NUDT7: variants seen among roughly 807,000 people sequenced by gnomAD.
The protein encoded by NUDT7 is peroxisomal coenzyme A diphosphatase NUDT7.
In NUDT7, 19 loss-of-function variants were observed where a neutral mutation model predicts 13.1. That is an observed-to-expected ratio of 1.45 (90% confidence interval 1.01 to 2.13). The LOEUF (loss-of-function observed/expected upper bound fraction) is 2.13. Ranked by LOEUF, NUDT7 falls within the 30% of genes most tolerant of loss-of-function variation. The pLI is 0.00. For missense variants in NUDT7, 360 were observed against 291.7 expected (o/e 1.23, Z -1.71); for synonymous variants, 132 against 109.7 (o/e 1.20, Z -1.27).
At chr16:77,728,942 TACCCTCCTCC>T (rs2014228557) in intron 2 of NUDT7, among the ~76,000 whole-genome samples, 1 of 152,082 alleles carries the variant, frequency 6.6e-6, no homozygotes, top group Admixed American at 6.6e-5. Flanking sequence ...TCCCCTCTTC[TACCCTCCTCC>T]ACCCTCCTCC....
chr16:77,725,574 G>T lies in NUDT7; in HGVS notation c.179G>T (p.Arg60Leu), dbSNP rs760402917. 3.7e-6 allele frequency: 6 copies of T among 1,613,588 alleles called. No individual in the cohort carries two copies. In the South Asian group the frequency reaches 5.5e-5, roughly 15 times the overall value. The change falls in exon 2 of 4, where the codon CGG (arginine) becomes CTG (leucine). Residue 60 changes from arginine (R) to leucine (L), a missense_variant. Arg to Leu is a moderately radical substitution (Grantham distance 102). Transcript: ENST00000268533. ...EGKLHLLFTV[R>L]SEKLRRAPGE... ...AAACTCCATTTGTTGTTCACCGTCC[G>T]GTCAGAGAAGGTAGGTGGACAAAAA...
chr16:77,724,332 G>T (rs1403402121), intron 1 of NUDT7, among the ~76,000 whole-genome samples: 3 of 152,224 alleles, frequency 2.0e-5, no homozygotes, highest in African/African-American at 7.2e-5. Flanking sequence ...TGCAATCATG[G>T]CTCACTGCAG....
At chr16:77,735,544 C>T (rs1422821663) in intron 2 of NUDT7, 2 of 544,292 alleles carry the variant, frequency 3.7e-6, no homozygotes, top group Non-Finnish European at 3.3e-6. Flanking sequence ...ATAAACTACC[C>T]AGTCTCAGTT....
rs186332841 is a variant in NUDT7, at chr16:77,736,023, C to T, written c.348+37C>T. 1.1e-3 allele frequency: 1,817 copies of T among 1,595,974 alleles called. 2 individuals are homozygous for T. The highest frequency in any genetic ancestry group is 1.7e-3 in the Admixed American group (104 of 59,882). On this transcript the variant is annotated intron_variant, in intron 3 of 3. Transcript: ENST00000268533. ...CTGAGACACTCATGAGCACCGTCCC[C>T]ACCCCCAGGTGGATCTACTGTTCTC... is the stretch of plus-strand genomic sequence containing the variant.
chr16:77,728,136 G>C (rs943676042), intron 2 of NUDT7, among the ~76,000 whole-genome samples: 1 of 152,226 alleles, frequency 6.6e-6, no homozygotes, highest in Middle Eastern at 3.4e-3. Context: ...GCAGGGCGCT[G>C]GTAGGAGATT....
intron 2 of NUDT7, among the ~76,000 whole-genome samples, chr16:77,728,425 G>A (rs1460494262): frequency 1.3e-5 from 2 of 152,120 alleles, no homozygotes; most frequent in Non-Finnish European, 2.9e-5. Context: ...TAGAGAGGGA[G>A]TTTCACCATG....
intron 3 of NUDT7, chr16:77,736,649 G>A (rs1173391120): frequency 1.2e-5 from 3 of 247,716 alleles, no homozygotes; most frequent in East Asian, 2.4e-4. Flanking sequence ...TTTTTTTATA[G>A]AGATGGGGGT....
At chr16:77,737,465 C>G (rs1336018926) in intron 3 of NUDT7, 1 of 150,272 alleles carries the variant, frequency 6.7e-6, no homozygotes, top group Non-Finnish European at 1.5e-5. Context: ...TAGGTATAAA[C>G]TTTTCATGGT....
intron 1 of NUDT7, among the ~76,000 whole-genome samples, chr16:77,724,783 C>T (rs942846359): frequency 4.6e-5 from 7 of 152,190 alleles, no homozygotes; most frequent in African/African-American, 1.2e-4. Context: ...GGAAGGGCAC[C>T]ATTTGCGGTT....
intron 2 of NUDT7, among the ~76,000 whole-genome samples, chr16:77,726,873 G>C (rs2014153692): frequency 6.6e-6 from 1 of 152,252 alleles, no homozygotes; most frequent in South Asian, 2.1e-4. Flanking sequence ...TTGAGTCATG[G>C]TTCTGCAGGC....
Position 77,731,228 on chromosome 16 carries a change from A to G in NUDT7, c.190-4600A>G, listed in dbSNP as rs895123565. 3.9e-5 allele frequency among the ~76,000 whole-genome samples: 6 copies of G among 152,260 alleles called. No individual in the cohort carries two copies. The South Asian group carries it at 8.3e-4, about 21-fold the overall frequency. ...TGATCTTTTCCAATTCCTATTACCTATTAATTGGAATAGGTGTACAAGGCA... is the reference window on the plus strand; with the variant it reads ...TGATCTTTTCCAATTCCTATTACCTGTTAATTGGAATAGGTGTACAAGGCA... On this transcript the variant is annotated intron_variant, in intron 2 of 3. Transcript: ENST00000268533.
chr16:77,741,656 T>C lies in NUDT7; in HGVS notation c.423T>C (p.Val141=). The C allele has an allele frequency of 6.2e-7, 1 of 1,614,144 alleles. No individual in the cohort carries two copies. Among genetic ancestry groups the C allele is most frequent in the Non-Finnish European group, 8.5e-7 (1 of 1,180,010 alleles). Residue 141 remains valine (V), a synonymous_variant, in exon 4 of 4, where the codon GTT becomes GTC. Transcript: ENST00000268533. Reference sequence around the variant, plus strand: ...AGGCCCAGCCGAATCCTGCTGAAGTTAAGGATGTATTCCTGGTGCCTCTGG... The same window carrying C: ...AGGCCCAGCCGAATCCTGCTGAAGTCAAGGATGTATTCCTGGTGCCTCTGG... ...NFQAQPNPAE[V]KDVFLVPLAY...
chr16:77,729,982 A>G (rs1213576650), intron 2 of NUDT7, among the ~76,000 whole-genome samples: 1 of 119,156 alleles, frequency 8.4e-6, no homozygotes, highest in African/African-American at 3.6e-5. Context: ...CACACACATT[A>G]CCTCACATAG....
chr16:77,728,608 T>G (rs1332619602), intron 2 of NUDT7, among the ~76,000 whole-genome samples: 5 of 152,212 alleles, frequency 3.3e-5, no homozygotes, highest in Non-Finnish European at 2.9e-5. Flanking sequence ...CAGCGCCTCA[T>G]GTGCAAGGTT....
intron 2 of NUDT7, among the ~76,000 whole-genome samples, chr16:77,733,875 A>C (rs2014395528): frequency 6.6e-6 from 1 of 152,176 alleles, no homozygotes; most frequent in African/African-American, 2.4e-5. Flanking sequence ...AAAGAAATTG[A>C]GGTCACTCTG....
At chr16:77,735,484 G>A in intron 2 of NUDT7, 1 of 651,728 alleles carries the variant, frequency 1.5e-6, no homozygotes, top group South Asian at 1.8e-5. Context: ...CCAGCATCAT[G>A]CTCCCTGTAC....
At position 77,741,680 on chromosome 16, in the gene NUDT7, G is replaced by A. The variant is rs774814701; in HGVS notation, c.447G>A (p.Leu149=). 7 of 1,614,076 alleles carry A rather than the reference G, an allele frequency of 4.3e-6. No homozygotes were observed. In the East Asian group the frequency reaches 1.6e-4, roughly 36 times the overall value. ...AEVKDVFLVP[L]AYFLHPQVHD... ...TTAAGGATGTATTCCTGGTGCCTCT[G>A]GCCTATTTCCTGCATCCACAGGTCC... Residue 149 remains leucine (L), a synonymous_variant, in exon 4 of 4, where the codon CTG becomes CTA. Coordinates refer to ENST00000268533, the MANE Select transcript of NUDT7 (RefSeq NM_001105663.3).
chr16:77,729,812 G>A lies in NUDT7; in HGVS notation c.189+4228G>A, dbSNP rs1487812543. Among the ~76,000 whole-genome samples the A allele has an allele frequency of 2.6e-5, 4 of 151,752 alleles. No homozygotes were observed. In the East Asian group the frequency reaches 5.8e-4, roughly 22 times the overall value. ...TGCACTCCAGCCTGGGCAACAGAGC[G>A]AGACTCTATCTCAATAAATAAATAA... On this transcript the variant is annotated intron_variant, in intron 2 of 3. Coordinates refer to ENST00000268533, the MANE Select transcript of NUDT7 (RefSeq NM_001105663.3).
chr16:77,730,240 G>T (rs1023505521), intron 2 of NUDT7, among the ~76,000 whole-genome samples: 3 of 152,062 alleles, frequency 2.0e-5, no homozygotes, highest in African/African-American at 7.2e-5. Flanking sequence ...CTCCTGACTG[G>T]CTGAAACTTT....
Sources: allele counts gnomAD v4.1 joint callset (sites outside exome capture counted in the v4.1 genomes callset), GRCh38; gene constraint gnomAD v4.1.1; transcripts MANE v1.5; gene names NCBI Gene and HGNC (gene_info 2026-07-23, HGNC 2026-07-21).